Variants in ZSCAN5A observed in about 807,000 individuals in gnomAD.
ZSCAN5A encodes the protein zinc finger and SCAN domain containing 5A, also known as zinc finger and SCAN domain-containing protein 5A.
In ZSCAN5A, 12 loss-of-function variants were observed where a neutral mutation model predicts 23.7. That is an observed-to-expected ratio of 0.51 (90% CI 0.32 to 0.82). The LOEUF is 0.82. ZSCAN5A is among the 40% of genes least tolerant of loss of function. ZSCAN5A has a pLI of 0.03. For synonymous variants in ZSCAN5A, 257 were observed against 239.9 expected (o/e 1.07, Z -0.66); for missense variants, 597 against 617.9 (o/e 0.97, Z 0.36).
chr19:56,350,493 C>T (rs1010238579), intron 2 of ZSCAN5A, among the ~76,000 whole-genome samples: 1 of 152,222 alleles, frequency 6.6e-6, no homozygotes, highest in African/African-American at 2.4e-5. Flanking sequence ...ATTTTAGCCA[C>T]CCAATAATGT....
chr19:56,362,303 G>C (rs901211042), intron 2 of ZSCAN5A, among the ~76,000 whole-genome samples: 1 of 151,560 alleles, frequency 6.6e-6, no homozygotes, highest in South Asian at 2.1e-4. Flanking sequence ...ACTATGGCTT[G>C]TGCCTGTAAT....
intron 2 of ZSCAN5A, among the ~76,000 whole-genome samples, chr19:56,356,166 C>T (rs565470420): frequency 6.7e-6 from 1 of 148,452 alleles, no homozygotes; most frequent in Non-Finnish European, 1.5e-5. Context: ...TGTAGCGGGA[C>T]AATCAGAGAT....
At chr19:56,362,088 G>A (rs1408991230) in intron 2 of ZSCAN5A, among the ~76,000 whole-genome samples, 1 of 150,826 alleles carries the variant, frequency 6.6e-6, no homozygotes, top group African/African-American at 2.4e-5. Flanking sequence ...AACCTGGGAG[G>A]CGGAGCTTGC....
intron 2 of ZSCAN5A, among the ~76,000 whole-genome samples, chr19:56,289,141 C>T (rs1261036577): frequency 3.3e-5 from 5 of 152,188 alleles, no homozygotes; most frequent in Non-Finnish European, 7.3e-5. Flanking sequence ...TAGCGACTAC[C>T]ACTTCCCATG....
intron 1 of ZSCAN5A, among the ~76,000 whole-genome samples, 170 bp from the exon 2 acceptor site, chr19:56,313,554 C>T (rs1368352414): frequency 6.6e-6 from 1 of 152,204 alleles, no homozygotes; most frequent in East Asian, 1.9e-4. Context: ...AAGAGAATGC[C>T]AATCCCTCCG....
intron 2 of ZSCAN5A, among the ~76,000 whole-genome samples, chr19:56,270,350 G>A (rs1235723758): frequency 3.9e-5 from 6 of 152,060 alleles, no homozygotes; most frequent in East Asian, 3.9e-4. Flanking sequence ...CCCAGGAGGC[G>A]GAGGCTTGCA....
intron 2 of ZSCAN5A, among the ~76,000 whole-genome samples, chr19:56,281,871 G>GGGT (rs1193749434): frequency 6.6e-6 from 1 of 152,202 alleles, no homozygotes; most frequent in African/African-American, 2.4e-5. Flanking sequence ...AGATTGCCCG[G>GGGT]GGTGGGAACG....
intron 2 of ZSCAN5A, among the ~76,000 whole-genome samples, chr19:56,256,193 T>C (rs2036679564): frequency 6.6e-6 from 1 of 152,110 alleles, no homozygotes; most frequent in South Asian, 2.1e-4. Flanking sequence ...AATTTTTTGT[T>C]GTTTTGTTTG....
chr19:56,234,883 TGTCTGA>T (rs1275032856), intron 2 of ZSCAN5A, among the ~76,000 whole-genome samples: 1 of 152,238 alleles, frequency 6.6e-6, no homozygotes, highest in African/African-American at 2.4e-5. Context: ...TACAACTCGG[TGTCTGA>T]GAGGTTTCGT....
intron 2 of ZSCAN5A, among the ~76,000 whole-genome samples, chr19:56,234,088 T>G (rs1485707212): frequency 2.6e-5 from 4 of 152,084 alleles, no homozygotes; most frequent in Non-Finnish European, 5.9e-5. Context: ...TCACAAAGAT[T>G]TCAGAATGTC....
upstream of ZSCAN5A, among the ~76,000 whole-genome samples, chr19:56,318,654 GATAC>G (rs1356718581): frequency 6.6e-6 from 1 of 152,104 alleles, no homozygotes; most frequent in Non-Finnish European, 1.5e-5. Context: ...AATCTTTACA[GATAC>G]ATAAGAGAAA....
chr19:56,229,006 G>T (rs1222841566), intron 2 of ZSCAN5A, among the ~76,000 whole-genome samples: 1 of 152,150 alleles, frequency 6.6e-6, no homozygotes, highest in Non-Finnish European at 1.5e-5. Context: ...GGTCCTACGG[G>T]GTTCCCTAGT....
chr19:56,337,212 G>A (rs879746211), intron 2 of ZSCAN5A, among the ~76,000 whole-genome samples: 3 of 152,326 alleles, frequency 2.0e-5, no homozygotes, highest in African/African-American at 4.8e-5. Context: ...AGGCCTCCTC[G>A]AGCTGTGGTG....
At chr19:56,261,623 G>A (rs763572512) in intron 2 of ZSCAN5A, among the ~76,000 whole-genome samples, 1 of 152,170 alleles carries the variant, frequency 6.6e-6, no homozygotes, top group Non-Finnish European at 1.5e-5. Context: ...GAGGGAGAGA[G>A]AGAGGGAGAC....
At chr19:56,280,312 C>A (rs2038593637) in intron 2 of ZSCAN5A, among the ~76,000 whole-genome samples, 1 of 152,116 alleles carries the variant, frequency 6.6e-6, no homozygotes, top group Admixed American at 6.5e-5. Flanking sequence ...AATAATATTT[C>A]TTGTATGGAA....
intron 2 of ZSCAN5A, among the ~76,000 whole-genome samples, chr19:56,239,643 T>C (rs1054268471): frequency 1.3e-5 from 2 of 152,164 alleles, no homozygotes; most frequent in Non-Finnish European, 2.9e-5. Context: ...AGCTTTTCCA[T>C]GTGAATTCCA....
At chr19:56,253,379 C>T (rs1316719855) in intron 2 of ZSCAN5A, among the ~76,000 whole-genome samples, 4 of 151,858 alleles carry the variant, frequency 2.6e-5, no homozygotes, top group Non-Finnish European at 4.4e-5. Flanking sequence ...ATTTGTGGAC[C>T]CCAAGAATAT....
chr19:56,258,812 C>T (rs890826939), intron 2 of ZSCAN5A, among the ~76,000 whole-genome samples: 1 of 152,138 alleles, frequency 6.6e-6, no homozygotes, highest in Non-Finnish European at 1.5e-5. Flanking sequence ...GCAGAAGGGA[C>T]ATTGCGTGAC....
chr19:56,366,774 C>CTT (rs1471851668), intron 1 of ZSCAN5A, among the ~76,000 whole-genome samples: 1 of 152,166 alleles, frequency 6.6e-6, no homozygotes, highest in African/African-American at 2.4e-5. Flanking sequence ...TGCTTAAACT[C>CTT]TTTAAAATTT....
Sources: allele counts gnomAD v4.1 joint callset (sites outside exome capture counted in the v4.1 genomes callset), GRCh38; gene constraint gnomAD v4.1.1; transcripts MANE v1.5; gene names NCBI Gene and HGNC (gene_info 2026-07-23, HGNC 2026-07-21).